Variants in PILRA observed in about 807,000 individuals in gnomAD.
The protein encoded by PILRA is paired immunoglobulin-like type 2 receptor alpha.
A neutral mutation model predicts 33.1 loss-of-function variants in PILRA; 37 were observed. That is an observed-to-expected ratio of 1.12 (90% CI 0.86 to 1.47). PILRA has a LOEUF of 1.47. PILRA is among the 40% of genes most tolerant of loss of function. The probability of loss-of-function intolerance (pLI) is 0.00; values close to 1 mark genes in which losing one functional copy is unlikely to be tolerated. For synonymous variants in PILRA, 146 were observed against 149.9 expected, an observed-to-expected ratio of 0.97 and a Z score of 0.19; for missense variants, 312 against 376.2, an observed-to-expected ratio of 0.83 and a Z score of 1.41.
intron 3 of PILRA, among the ~76,000 whole-genome samples, chr7:100,392,594 C>A (rs777413106): frequency 2.0e-5 from 3 of 152,096 alleles, no homozygotes; most frequent in Non-Finnish European, 2.9e-5. Context: ...CTCATGGGAG[C>A]ACCATCGTAT....
intron 2 of PILRA, among the ~76,000 whole-genome samples, chr7:100,379,266 G>A (rs1420650972): frequency 6.6e-6 from 1 of 151,874 alleles, no homozygotes; most frequent in South Asian, 2.1e-4. Context: ...TGTAATCCCA[G>A]CCACTCGGGA....
chr7:100,385,735 T>C (rs912671060), intron 2 of PILRA, among the ~76,000 whole-genome samples: 13 of 152,176 alleles, frequency 8.5e-5, no homozygotes, highest in African/African-American at 3.1e-4. Flanking sequence ...GTTCATGCGA[T>C]TCTCCTGCCT....
intron 2 of PILRA, among the ~76,000 whole-genome samples, chr7:100,379,092 C>CAAA (rs760446053): frequency 2.7e-5 from 2 of 73,592 alleles, no homozygotes; most frequent in African/African-American, 1.1e-4. Flanking sequence ...GACTCTGTCT[C>CAAA]AAAAAAAAAA....
chr7:100,398,060 T>C, intron 4 of PILRA, 148 bp downstream of exon 4: 1 of 745,896 alleles, frequency 1.3e-6, no homozygotes, highest in Non-Finnish European at 2.3e-6. Flanking sequence ...ATCCTTGTTC[T>C]CCTTTGTCCT....
chr7:100,386,665 T>A (rs953559512), intron 2 of PILRA, among the ~76,000 whole-genome samples: 3 of 151,808 alleles, frequency 2.0e-5, no homozygotes, highest in Admixed American at 6.6e-5. Context: ...TATAGGCATG[T>A]GCCACCACAC....
chr7:100,390,237 G>A (rs372474085), intron 3 of PILRA, 131 bp downstream of exon 3: 10 of 758,460 alleles, frequency 1.3e-5, no homozygotes, highest in African/African-American at 1.0e-4. Flanking sequence ...GGCCGACTTC[G>A]TGGCCTATGC....
chr7:100,379,227 A>C (rs1013206631), intron 2 of PILRA, among the ~76,000 whole-genome samples: 4 of 151,758 alleles, frequency 2.6e-5, no homozygotes, highest in African/African-American at 9.7e-5. Flanking sequence ...AACATGGTGA[A>C]ACCTTGTCTG....
At chr7:100,383,927 A>T (rs1421879194) in intron 2 of PILRA, among the ~76,000 whole-genome samples, 1 of 152,164 alleles carries the variant, frequency 6.6e-6, no homozygotes, top group Admixed American at 6.5e-5. Context: ...GTAAGCCTCC[A>T]TGCCCGGCCC....
chr7:100,391,153 AAATAATAATAACAATAATAATAAT>A (rs1369951217), intron 3 of PILRA, among the ~76,000 whole-genome samples: 1 of 144,386 alleles, frequency 6.9e-6, no homozygotes, highest in Non-Finnish European at 1.5e-5. Context: ...TGTCTCTACA[AAATAATAATAACAATAATAATAAT>A]AATAATAATT....
chr7:100,375,850 G>C (rs1015244674), intron 2 of PILRA, among the ~76,000 whole-genome samples: 1 of 152,214 alleles, frequency 6.6e-6, no homozygotes, highest in South Asian at 2.1e-4. Flanking sequence ...TGTTCGCCTT[G>C]ACCTACTTTT....
intron 2 of PILRA, among the ~76,000 whole-genome samples, chr7:100,377,231 C>CTTTTTTTTTT (rs761225046): frequency 9.9e-5 from 10 of 100,932 alleles, no homozygotes; most frequent in East Asian, 2.8e-4. Flanking sequence ...TTTTCTATTT[C>CTTTTTTTTTT]TTTTTTTTTT....
At chr7:100,373,248 C>T (rs1790859343), upstream of PILRA, among the ~76,000 whole-genome samples, 1 of 152,160 alleles carries the variant, frequency 6.6e-6, no homozygotes, top group African/African-American at 2.4e-5. Context: ...AGAGCCTGCG[C>T]TGGCCCTGGG....
chr7:100,392,906 A>C (rs1053070277), intron 3 of PILRA, among the ~76,000 whole-genome samples: 3 of 152,194 alleles, frequency 2.0e-5, no homozygotes, highest in African/African-American at 7.2e-5. Context: ...CCCTAGTACC[A>C]GAAGAAAATG....
At chr7:100,380,624 T>C (rs533827327) in intron 2 of PILRA, among the ~76,000 whole-genome samples, 18 of 152,224 alleles carry the variant, frequency 1.2e-4, no homozygotes, top group South Asian at 8.3e-4. Context: ...AGCAAGAATC[T>C]GGCAACATAG....
At chr7:100,399,103 T>G (rs1278873481) in intron 4 of PILRA, among the ~76,000 whole-genome samples, 188 bp from the exon 5 acceptor site, 2 of 152,066 alleles carry the variant, frequency 1.3e-5, no homozygotes, top group Non-Finnish European at 2.9e-5. Context: ...TACGTCTGGC[T>G]AGTTTTTGTA....
chr7:100,399,354 A>AC lies in PILRA; in HGVS notation c.757+16dup. On this transcript the variant is annotated intron_variant, in intron 5 of 6. Transcript: ENST00000198536. ...TCAGGAATGAAGGTGAGTCCTTACC[A>AC]CCATCCTTCCCCAGTTTCTACCCCT... 6.2e-7 allele frequency: 1 copy of AC among 1,608,188 alleles called. No individual in the cohort carries two copies. Among genetic ancestry groups the AC allele is most frequent in the South Asian group, 1.1e-5 (1 of 90,894 alleles).
intron 2 of PILRA, among the ~76,000 whole-genome samples, chr7:100,387,961 T>A (rs1791290841): frequency 6.6e-6 from 1 of 152,108 alleles, no homozygotes; most frequent in African/African-American, 2.4e-5. Context: ...CTGTTTGGGG[T>A]TTTTTCTTTG....
At chr7:100,389,831 C>A in intron 2 of PILRA, 57 bp from the exon 3 acceptor site, 4 of 1,470,852 alleles carry the variant, frequency 2.7e-6, no homozygotes, top group Non-Finnish European at 2.9e-6. Context: ...CCACGCCTTT[C>A]ACCCAGACAC....
intron 2 of PILRA, among the ~76,000 whole-genome samples, chr7:100,383,593 G>A (rs924388550): frequency 1.3e-5 from 2 of 152,034 alleles, no homozygotes; most frequent in Non-Finnish European, 2.9e-5. Flanking sequence ...GGGAGCGAAG[G>A]AGCGTTTCCT....
Sources: gnomAD v4.1 joint callset for allele counts (sites outside exome capture counted in the v4.1 genomes callset) on GRCh38, gnomAD v4.1.1 for gene constraint, MANE v1.5 for transcripts, NCBI Gene and HGNC (gene_info 2026-07-23, HGNC 2026-07-21) for gene names.